DCAF8: variants seen among roughly 807,000 people sequenced by gnomAD.
DCAF8 encodes the protein DDB1 and CUL4 associated factor 8, also known as DDB1- and CUL4-associated factor 8.
Under a neutral mutation model 68.0 loss-of-function variants are expected in DCAF8, and 20 were observed. The ratio of observed to expected loss-of-function variants is 0.29; its 90% CI spans 0.21 to 0.43. The LOEUF (loss-of-function observed/expected upper bound fraction) is 0.43, where lower values mean the gene tolerates loss of function less well. Among genes scored for constraint, DCAF8 ranks in the 20% least tolerant of loss-of-function variants. The pLI is 1.00. For synonymous variants in DCAF8, 230 were observed against 276.9 expected, an observed-to-expected ratio of 0.83 and a Z score of 1.68; for missense variants, 460 against 771.0, an observed-to-expected ratio of 0.60 and a Z score of 4.78.
chr1:160,219,228 G>C (rs1571077329), intron 11 of DCAF8: 1 of 369,210 alleles, frequency 2.7e-6, no homozygotes, highest in East Asian at 4.4e-5. Flanking sequence ...ATGGCCCTAG[G>C]GGTGGGTGAG....
intron 12 of DCAF8, 89 bp downstream of exon 12, chr1:160,218,760 G>T: frequency 6.4e-7 from 1 of 1,564,584 alleles, no homozygotes; most frequent in Non-Finnish European, 8.7e-7. Context: ...TTAAAGAACT[G>T]GGCAGCAAGT....
chr1:160,253,101 T>C (rs899468157), intron 2 of DCAF8, among the ~76,000 whole-genome samples: 2 of 152,104 alleles, frequency 1.3e-5, no homozygotes, highest in African/African-American at 4.8e-5. Flanking sequence ...GGGAAGAATC[T>C]TGAGGAATAC....
At chr1:160,223,666 G>A (rs997901364) in intron 10 of DCAF8, among the ~76,000 whole-genome samples, 4 of 152,184 alleles carry the variant, frequency 2.6e-5, no homozygotes, top group African/African-American at 9.7e-5. Context: ...GGGAAGTCGA[G>A]GCAGGCGGAT....
chr1:160,258,245 G>T (rs898187251), intron 2 of DCAF8, among the ~76,000 whole-genome samples: 14 of 152,052 alleles, frequency 9.2e-5, no homozygotes, highest in African/African-American at 3.4e-4. Flanking sequence ...TACTCGAGAG[G>T]CTGAGATGGG....
intron 2 of DCAF8, among the ~76,000 whole-genome samples, chr1:160,253,571 C>G (rs1656689666): frequency 7.1e-6 from 1 of 139,988 alleles, no homozygotes; most frequent in Non-Finnish European, 1.5e-5. Flanking sequence ...TCACTTGAAC[C>G]TGGGAGGCAA....
intron 9 of DCAF8, 87 bp downstream of exon 9, chr1:160,224,975 G>A (rs1269503780): frequency 1.6e-6 from 2 of 1,262,988 alleles, no homozygotes; most frequent in South Asian, 1.2e-5. Flanking sequence ...ACAGTGGTGA[G>A]CACTGGAGGG....
At chr1:160,261,129 TA>T (rs1308420609) in intron 2 of DCAF8, among the ~76,000 whole-genome samples, 155 bp downstream of exon 2, 2 of 152,190 alleles carry the variant, frequency 1.3e-5, no homozygotes. Context: ...ATTAAACTTG[TA>T]AAAGTAATTC....
chr1:160,252,604 T>G (rs1265481326), intron 2 of DCAF8, among the ~76,000 whole-genome samples: 1 of 152,192 alleles, frequency 6.6e-6, no homozygotes, highest in Non-Finnish European at 1.5e-5. Context: ...AGAGAAATTA[T>G]TTTGTCAAAG....
At chr1:160,225,186 A>T (rs959381661) in intron 8 of DCAF8, 67 bp from the exon 9 acceptor site, 1 of 1,486,120 alleles carries the variant, frequency 6.7e-7, no homozygotes, top group South Asian at 1.2e-5. Flanking sequence ...TTCAGGAAAC[A>T]GCTTTTCCTT....
chr1:160,243,225 A>G lies in DCAF8; in HGVS notation c.49+735T>C, dbSNP rs1237548964. Among the ~76,000 whole-genome samples the G allele has an allele frequency of 3.3e-5, 5 of 152,246 alleles. No homozygotes were observed. In the East Asian group the frequency reaches 9.6e-4, roughly 29 times the overall value. On this transcript the variant is annotated intron_variant, in intron 3 of 13. Transcript: ENST00000368074. ...TTAGAATTTTTATATTCTGCCTTCA[A>G]ATCTGCCCTAAAGCCAGTGATTTGA... is the stretch of plus-strand genomic sequence containing the variant.
intron 1 of DCAF8, chr1:160,261,695 T>C (rs950644631): frequency 6.6e-6 from 1 of 152,246 alleles, no homozygotes; most frequent in East Asian, 1.9e-4. Context: ...GAGAATGTGA[T>C]AGCGCTAGTG....
rs901280434 is a variant in DCAF8, at chr1:160,237,121, AC to A, written c.959+13del. The A allele has an allele frequency of 6.5e-7, 1 of 1,530,196 alleles. No individual in the cohort carries two copies. The highest frequency in any genetic ancestry group is 1.4e-5 in the African/African-American group (1 of 73,010). 94.8% of individuals were successfully genotyped at this position (1,530,196 alleles called of 1,614,324 possible). On this transcript the variant is annotated intron_variant, in intron 6 of 13. Transcript: ENST00000368074. Reference sequence around the variant, plus strand: ...AGAGATACAGTTCTGTAATGATATTACTGCTACACTTACGACGCTGGGCGGT... The same window carrying A: ...AGAGATACAGTTCTGTAATGATATTATGCTACACTTACGACGCTGGGCGGT...
At chr1:160,231,246 A>T (rs746755288) in intron 7 of DCAF8, 51 bp downstream of exon 7, 2 of 1,239,216 alleles carry the variant, frequency 1.6e-6, no homozygotes, top group Non-Finnish European at 2.4e-6. Flanking sequence ...GGTAGTATAC[A>T]ATGCATCAGT....
intron 11 of DCAF8, among the ~76,000 whole-genome samples, chr1:160,221,645 A>T (rs566214340): frequency 6.6e-6 from 1 of 152,270 alleles, no homozygotes; most frequent in Middle Eastern, 3.4e-3. Flanking sequence ...CTAAGAAGGA[A>T]TAAAAAGGAA....
rs756737722 is a variant in DCAF8, at chr1:160,240,090, TTCC to T, written c.327_329del (p.Glu112del). The T allele has an allele frequency of 6.5e-6, 10 of 1,534,544 alleles. No homozygotes were observed. The African/African-American group carries it at 6.7e-5, about 10-fold the overall frequency. On this transcript the variant is annotated inframe_deletion, in exon 4 of 14. Coordinates refer to ENST00000368074, the MANE Select transcript of DCAF8 (RefSeq NM_015726.4). ...GTACACGGCGCCGAGGCTGCTCTTC[TTCC>T]TCCTCTTCTTCCTCCTCTTCCTCTT...
Position 160,217,425 on chromosome 1 carries a change from T to G in DCAF8, c.*167A>C. The G allele has an allele frequency of 1.8e-6, 1 of 550,262 alleles. No homozygotes were observed. The highest frequency in any genetic ancestry group is 1.9e-5 in the African/African-American group (1 of 52,610). 34.1% of individuals were successfully genotyped at this position (550,262 alleles called of 1,614,324 possible). On this transcript the variant is annotated 3_prime_UTR_variant, in exon 14 of 14. Transcript: ENST00000368074. ...CTCAACTCCCATTCCTAGGTACTCT[T>G]TGTTGGTTCACTCCTCTGGTTTGTC...
intron 2 of DCAF8, among the ~76,000 whole-genome samples, chr1:160,250,327 G>A (rs535949900): frequency 4.6e-5 from 7 of 152,112 alleles, no homozygotes; most frequent in South Asian, 4.2e-4. Context: ...TTAGCCGGGC[G>A]TGGTAGTGCA....
chr1:160,245,586 G>A (rs1206168834), intron 2 of DCAF8, among the ~76,000 whole-genome samples: 4 of 152,206 alleles, frequency 2.6e-5, no homozygotes, highest in Non-Finnish European at 5.9e-5. Flanking sequence ...TGGGGCTGAA[G>A]CTGACTGAAC....
In DCAF8 at chr1:160,218,309, C is replaced by G; in HGVS notation, c.1677+15G>C. 6.2e-7 allele frequency: 1 copy of G among 1,606,606 alleles called. No individual in the cohort carries two copies. Among genetic ancestry groups the G allele is most frequent in the Non-Finnish European group, 8.5e-7 (1 of 1,173,164 alleles). On this transcript the variant is annotated intron_variant, in intron 13 of 13. Transcript: ENST00000368074. ...GGGTCACTCCCTTGGGAATTCATTT[C>G]CAACCCTAGCTTACCCGGTGATGGC...
Sources: gnomAD v4.1 joint callset for allele counts (sites outside exome capture counted in the v4.1 genomes callset) on GRCh38, gnomAD v4.1.1 for gene constraint, MANE v1.5 for transcripts, NCBI Gene and HGNC (gene_info 2026-07-23, HGNC 2026-07-21) for gene names.